The following PAPSS1 variants were observed in gnomAD, a reference collection of about 807,000 sequenced individuals.
PAPSS1 encodes the protein bifunctional 3'-phosphoadenosine 5'-phosphosulfate synthase 1.
Under a neutral mutation model 72.0 loss-of-function variants are expected in PAPSS1, and 50 were observed. The observed-to-expected ratio is 0.69, with a 90% CI of 0.55 to 0.88. The LOEUF (loss-of-function observed/expected upper bound fraction) is 0.88. Ranked by LOEUF, PAPSS1 falls within the 40% of genes least tolerant of loss-of-function variation. The probability of loss-of-function intolerance (pLI) is 0.00; values close to 1 mark genes in which losing one functional copy is unlikely to be tolerated. For synonymous variants in PAPSS1, 261 were observed against 263.6 expected (o/e 0.99, Z 0.09); for missense variants, 657 against 782.2 (o/e 0.84, Z 1.91).
At chr4:107,635,362 A>G (rs995166425) in intron 10 of PAPSS1, among the ~76,000 whole-genome samples, 5 of 152,226 alleles carry the variant, frequency 3.3e-5, no homozygotes, top group Admixed American at 6.5e-5. Flanking sequence ...AATATGGTAT[A>G]CATTTGCTGA....
intron 4 of PAPSS1, among the ~76,000 whole-genome samples, chr4:107,682,482 G>A (rs987292345): frequency 5.3e-5 from 8 of 152,198 alleles, no homozygotes; most frequent in African/African-American, 1.9e-4. Context: ...TGTGTCGGAC[G>A]TGTTGCACTG....
At chr4:107,617,002 C>T (rs951036475) in intron 11 of PAPSS1, among the ~76,000 whole-genome samples, 1 of 152,240 alleles carries the variant, frequency 6.6e-6, no homozygotes, top group South Asian at 2.1e-4. Context: ...CAGCTTTCCA[C>T]CATCTTCCTT....
At chr4:107,632,112 T>G (rs1310419338) in intron 10 of PAPSS1, among the ~76,000 whole-genome samples, 2 of 152,088 alleles carry the variant, frequency 1.3e-5, no homozygotes, top group African/African-American at 4.8e-5. Flanking sequence ...TATGTATTAC[T>G]TATAAGATAT....
In PAPSS1 at chr4:107,699,123, G is replaced by A. The variant is rs530086915; in HGVS notation, c.175+2048C>T. On this transcript the variant is annotated intron_variant, in intron 2 of 11. Coordinates refer to ENST00000265174, the MANE Select transcript of PAPSS1 (RefSeq NM_005443.5). Reference sequence around the variant, plus strand: ...TGATGAAATAAATGGAAAACACCACGTTCAAGAAAAAGAGTACCCAATATT... The same window carrying A: ...TGATGAAATAAATGGAAAACACCACATTCAAGAAAAAGAGTACCCAATATT... Among the ~76,000 whole-genome samples the A allele has an allele frequency of 2.6e-5, 4 of 152,046 alleles. No individual in the cohort carries two copies. The South Asian group carries it at 8.3e-4, about 32-fold the overall frequency.
chr4:107,706,865 T>C (rs1723350578), intron 1 of PAPSS1, among the ~76,000 whole-genome samples: 1 of 152,108 alleles, frequency 6.6e-6, no homozygotes, highest in Non-Finnish European at 1.5e-5. Context: ...TGGCCTGGTA[T>C]CTGGGTCAGC....
In PAPSS1 at chr4:107,665,046, G is replaced by A. The variant is rs542609260; in HGVS notation, c.670-4974C>T. 2.3e-3 allele frequency among the ~76,000 whole-genome samples: 344 copies of A among 152,158 alleles called. 1 individual carries two copies. The highest frequency in any genetic ancestry group is 7.8e-3 in the African/African-American group (325 of 41,514). ...CTAACCAATGCCAAAATAAACATTC[G>A]AAAGGTTGCTACTGTTTTTCTCTTC... On this transcript the variant is annotated intron_variant, in intron 5 of 11. Transcript: ENST00000265174.
intron 11 of PAPSS1, among the ~76,000 whole-genome samples, chr4:107,631,428 C>T (rs1267410964): frequency 6.6e-6 from 1 of 152,120 alleles, no homozygotes; most frequent in African/African-American, 2.4e-5. Flanking sequence ...AAACAAAATT[C>T]CTGAAACCAT....
At chr4:107,643,170 T>C (rs1372851491) in intron 10 of PAPSS1, among the ~76,000 whole-genome samples, 2 of 151,922 alleles carry the variant, frequency 1.3e-5, no homozygotes, top group Non-Finnish European at 2.9e-5. Flanking sequence ...CACGAAAGAG[T>C]ATATGCGGTA....
chr4:107,620,615 A>G (rs1725930236), intron 11 of PAPSS1, among the ~76,000 whole-genome samples: 1 of 152,164 alleles, frequency 6.6e-6, no homozygotes, highest in African/African-American at 2.4e-5. Context: ...GTACTGGAAA[A>G]TCAACTCAAT....
chr4:107,644,656 C>A, intron 10 of PAPSS1, 146 bp downstream of exon 10: 1 of 730,214 alleles, frequency 1.4e-6, no homozygotes, highest in Non-Finnish European at 2.1e-6. Context: ...AGGGAATATC[C>A]CTAACGAGCA....
At chr4:107,621,221 T>C (rs72883517) in intron 11 of PAPSS1, among the ~76,000 whole-genome samples, 6,627 of 152,182 alleles carry the variant, frequency 0.044, 459 homozygotes, top group African/African-American at 0.15. Context: ...ACCAGTGAGA[T>C]TTATGGCATA....
chr4:107,687,384 T>C (rs562710165), intron 3 of PAPSS1, among the ~76,000 whole-genome samples: 1 of 152,180 alleles, frequency 6.6e-6, no homozygotes, highest in South Asian at 2.1e-4. Flanking sequence ...ACTGTTCTAC[T>C]AACCCAGGAT....
At chr4:107,661,448 T>C (rs1303518255) in intron 5 of PAPSS1, among the ~76,000 whole-genome samples, 2 of 152,218 alleles carry the variant, frequency 1.3e-5, no homozygotes, top group African/African-American at 4.8e-5. Context: ...ACAATGTGTC[T>C]TTAGTAGGTG....
intron 11 of PAPSS1, among the ~76,000 whole-genome samples, 166 bp from the exon 12 acceptor site, chr4:107,614,553 AC>A (rs1227492089): frequency 3.9e-5 from 1 of 25,900 alleles, no homozygotes; most frequent in African/African-American, 1.2e-4. Context: ...TGAACAAAAA[AC>A]CACTATTGAA....
intron 5 of PAPSS1, among the ~76,000 whole-genome samples, chr4:107,677,855 C>A (rs1323275296): frequency 6.6e-6 from 1 of 152,150 alleles, no homozygotes; most frequent in African/African-American, 2.4e-5. Context: ...ACTATGCAGT[C>A]ATAAAAGATG....
Position 107,644,903 on chromosome 4 carries a change from T to C in PAPSS1, c.1405A>G (p.Met469Val). 6.2e-7 allele frequency: 1 copy of C among 1,614,090 alleles called. No individual in the cohort carries two copies. The highest frequency in any genetic ancestry group is 2.2e-5 in the East Asian group (1 of 44,866). The stretch of plus-strand genomic sequence containing the variant: ...TCCAACACTGCAGCATGCTGCTTCA[T>C]ACGCCACATCAAAGGAACATCGTCA... ...KDDDVPLMWR[M>V]KQHAAVLEEG... Residue 469 changes from methionine (M) to valine (V), a missense_variant, in exon 10 of 12, where the codon ATG becomes GTG. This residue lies in a region of PAPSS1 where 166 missense variants were observed against 228.3 expected (regional missense o/e 0.73). Transcript: ENST00000265174.
chr4:107,717,286 T>C (rs1051876966), intron 1 of PAPSS1, among the ~76,000 whole-genome samples: 4 of 152,022 alleles, frequency 2.6e-5, no homozygotes, highest in Non-Finnish European at 5.9e-5. Flanking sequence ...ATATTTCCTC[T>C]ATAGACTATC....
chr4:107,713,811 T>C (rs1723564256), intron 1 of PAPSS1, among the ~76,000 whole-genome samples: 1 of 150,910 alleles, frequency 6.6e-6, no homozygotes. Context: ...AGGTAAGGTA[T>C]GCAAGCACCA....
chr4:107,626,778 C>A (rs1267594723), intron 11 of PAPSS1, among the ~76,000 whole-genome samples: 2 of 152,196 alleles, frequency 1.3e-5, no homozygotes, highest in Non-Finnish European at 2.9e-5. Flanking sequence ...TTTCTCACTA[C>A]ATCAAATGCT....
Sources: allele counts gnomAD v4.1 joint callset (sites outside exome capture counted in the v4.1 genomes callset), GRCh38; gene constraint gnomAD v4.1.1; regional missense constraint gnomAD v4.1.1; transcripts MANE v1.5; gene names NCBI Gene and HGNC (gene_info 2026-07-23, HGNC 2026-07-21).